GPCPD1: variants seen among roughly 807,000 people sequenced by gnomAD.
GPCPD1 encodes the protein glycerophosphocholine phosphodiesterase GPCPD1.
GPCPD1 carries 29 observed loss-of-function variants against 89.2 expected under a neutral mutation model. The observed-to-expected ratio is 0.33, with a 90% CI of 0.24 to 0.44. The LOEUF is 0.44. Among genes scored for constraint, GPCPD1 ranks in the 20% least tolerant of loss-of-function variants. The pLI, the probability that GPCPD1 is intolerant of heterozygous loss-of-function variation, is 1.00. For missense variants in GPCPD1, 594 were observed against 808.9 expected (o/e 0.73, Z 3.22); for synonymous variants, 258 against 266.3 (o/e 0.97, Z 0.30).
chr20:5,581,354 A>G (rs1454668682), intron 6 of GPCPD1, among the ~76,000 whole-genome samples: 1 of 152,236 alleles, frequency 6.6e-6, no homozygotes, highest in Non-Finnish European at 1.5e-5. Flanking sequence ...ATAAATTAAA[A>G]TATTCATATT....
At chr20:5,558,289 T>C (rs1955847177) in intron 18 of GPCPD1, among the ~76,000 whole-genome samples, 184 bp from the exon 19 acceptor site, 1 of 152,144 alleles carries the variant, frequency 6.6e-6, no homozygotes, top group Non-Finnish European at 1.5e-5. Context: ...ATATTCACAA[T>C]ATATTAATAT....
chr20:5,578,526 C>T lies in GPCPD1; in HGVS notation c.559G>A (p.Glu187Lys), dbSNP rs1420989955. Reference protein sequence around the residue: ...TVLHKMSNSLEISLISDNEFK... With the variant: ...TVLHKMSNSLKISLISDNEFK... ...TCATTGTCGCTTATTAAGGATATCT[C>T]CAAGCTATTGGACATTTTGTGGAGT... Residue 187 changes from glutamate to lysine, a missense_variant, in exon 8 of 20, where the codon GAG becomes AAG. Coordinates refer to ENST00000379019, the MANE Select transcript of GPCPD1 (RefSeq NM_019593.5). 1.2e-6 allele frequency: 2 copies of T among 1,613,542 alleles called. No individual in the cohort carries two copies. Among genetic ancestry groups the T allele is most frequent in the Non-Finnish European group, 1.7e-6 (2 of 1,179,570 alleles).
chr20:5,591,688 A>C (rs1979336944), intron 4 of GPCPD1, among the ~76,000 whole-genome samples: 3 of 152,254 alleles, frequency 2.0e-5, no homozygotes, highest in Non-Finnish European at 2.9e-5. Context: ...ACAAAGTTTC[A>C]TAATACTTCT....
intron 6 of GPCPD1, among the ~76,000 whole-genome samples, chr20:5,583,225 C>CAAA (rs35153907): frequency 1.6e-4 from 10 of 64,266 alleles, no homozygotes; most frequent in African/African-American, 2.1e-4. Context: ...AACTCCATCT[C>CAAA]AAAAAAAAAA....
At chr20:5,548,035 G>A (rs537593808) in intron 19 of GPCPD1, among the ~76,000 whole-genome samples, 185 bp from the exon 20 acceptor site, 4 of 152,234 alleles carry the variant, frequency 2.6e-5, no homozygotes, top group Admixed American at 2.6e-4. Flanking sequence ...CTTCTTCCCA[G>A]TCTTTCCAAT....
chr20:5,548,015 T>C lies in GPCPD1; in HGVS notation c.1830-165A>G, dbSNP rs144739729. Among the ~76,000 whole-genome samples, 120 of 152,346 alleles carry C rather than the reference T, an allele frequency of 7.9e-4. 1 individual carries two copies. Among genetic ancestry groups the C allele is most frequent in the African/African-American group, 2.8e-3 (117 of 41,574 alleles). ...AGATGAAAGTATCCATTCTCTTTTT[T>C]AAAATTTCTCTTCTTCCCAGTCTTT... On this transcript the variant is annotated intron_variant, in intron 19 of 19. Transcript: ENST00000379019.
intron 2 of GPCPD1, among the ~76,000 whole-genome samples, chr20:5,599,848 C>T (rs551696065): frequency 6.6e-6 from 1 of 152,294 alleles, no homozygotes; most frequent in East Asian, 1.9e-4. Flanking sequence ...CCGCCGCGCC[C>T]AGCCAAAATC....
chr20:5,550,879 A>T (rs1568638857), intron 19 of GPCPD1, among the ~76,000 whole-genome samples: 1 of 152,262 alleles, frequency 6.6e-6, no homozygotes, highest in Non-Finnish European at 1.5e-5. Flanking sequence ...GGCAGGGCAC[A>T]GGATGACAGC....
chr20:5,573,164 C>T (rs1986815102), intron 11 of GPCPD1, among the ~76,000 whole-genome samples: 1 of 151,850 alleles, frequency 6.6e-6, no homozygotes, highest in African/African-American at 2.4e-5. Context: ...TCACAGCAAC[C>T]TCCACCTCCC....
At chr20:5,606,826 T>C (rs188263455) in intron 1 of GPCPD1, among the ~76,000 whole-genome samples, 79 of 152,350 alleles carry the variant, frequency 5.2e-4, no homozygotes, top group African/African-American at 1.8e-3. Flanking sequence ...TTATAAAATG[T>C]AACACTGAAT....
chr20:5,590,849 G>T (rs192927865), intron 4 of GPCPD1, among the ~76,000 whole-genome samples: 202 of 152,258 alleles, frequency 1.3e-3, no homozygotes, highest in African/African-American at 4.6e-3. Flanking sequence ...AATTATGAGT[G>T]AATGTTAGCA....
intron 1 of GPCPD1, among the ~76,000 whole-genome samples, chr20:5,607,448 C>T (rs547762204): frequency 1.1e-4 from 17 of 151,836 alleles, no homozygotes; most frequent in Admixed American, 3.9e-4. Context: ...CATGATGGCA[C>T]GTGCCTGTAG....
intron 19 of GPCPD1, among the ~76,000 whole-genome samples, chr20:5,556,631 G>C (rs1252310648): frequency 6.6e-6 from 1 of 152,218 alleles, no homozygotes; most frequent in Non-Finnish European, 1.5e-5. Flanking sequence ...TCCCTCAGCA[G>C]AGTAAATGAC....
At chr20:5,589,167 T>C (rs1979147705) in intron 4 of GPCPD1, among the ~76,000 whole-genome samples, 1 of 152,168 alleles carries the variant, frequency 6.6e-6, no homozygotes, top group African/African-American at 2.4e-5. Flanking sequence ...TCTATCATCA[T>C]TCAGACTAGA....
intron 4 of GPCPD1, among the ~76,000 whole-genome samples, chr20:5,588,278 G>T (rs1375515481): frequency 6.6e-6 from 1 of 152,176 alleles, no homozygotes; most frequent in Non-Finnish European, 1.5e-5. Flanking sequence ...GCCAAGGCAG[G>T]TGGATCACTT....
chr20:5,607,029 G>A (rs1258173520), intron 1 of GPCPD1, among the ~76,000 whole-genome samples: 1 of 152,202 alleles, frequency 6.6e-6, no homozygotes, highest in Non-Finnish European at 1.5e-5. Flanking sequence ...GCTCATGCCT[G>A]TAATCCCAGC....
At chr20:5,556,008 C>T (rs969200444) in intron 19 of GPCPD1, among the ~76,000 whole-genome samples, 1 of 152,194 alleles carries the variant, frequency 6.6e-6, no homozygotes. Flanking sequence ...GCCACAGCCA[C>T]CTCAACCTTC....
At chr20:5,594,883 G>A (rs990038064) in intron 3 of GPCPD1, among the ~76,000 whole-genome samples, 1 of 152,090 alleles carries the variant, frequency 6.6e-6, no homozygotes, top group Non-Finnish European at 1.5e-5. Flanking sequence ...TGCTTACTTC[G>A]TGTCTATGTC....
At chr20:5,581,363 T>C (rs1437452121) in intron 6 of GPCPD1, among the ~76,000 whole-genome samples, 1 of 152,214 alleles carries the variant, frequency 6.6e-6, no homozygotes, top group African/African-American at 2.4e-5. Flanking sequence ...AATATTCATA[T>C]TGAATCCATG....
Sources: gnomAD v4.1 joint callset for allele counts (sites outside exome capture counted in the v4.1 genomes callset) on GRCh38, gnomAD v4.1.1 for gene constraint, MANE v1.5 for transcripts, NCBI Gene and HGNC (gene_info 2026-07-23, HGNC 2026-07-21) for gene names.